Variants in JMJD1C observed in about 807,000 individuals in gnomAD.
The protein encoded by JMJD1C is jumonji domain-containing protein 1C.
In JMJD1C, 31 loss-of-function variants were observed where a neutral mutation model predicts 245.3. That is an observed-to-expected ratio of 0.13 (90% CI 0.09 to 0.17). JMJD1C has a LOEUF of 0.17. Ranked by LOEUF, JMJD1C falls within the 10% of genes least tolerant of loss-of-function variation. The pLI is 1.00. For synonymous variants in JMJD1C, 1,057 were observed against 1,017.4 expected (o/e 1.04, Z -0.74); for missense variants, 2,691 against 3,000.2 (o/e 0.90, Z 2.41).
chr10:63,338,508 G>C (rs1473725399), intron 2 of JMJD1C, among the ~76,000 whole-genome samples: 3 of 151,936 alleles, frequency 2.0e-5, no homozygotes, highest in Non-Finnish European at 2.9e-5. Flanking sequence ...TAAAATTTAA[G>C]TAGGCACCGC....
rs746895316 is a variant in JMJD1C, at chr10:63,184,643, C to T, written c.6926G>A (p.Arg2309His). 7.4e-6 allele frequency: 12 copies of T among 1,613,628 alleles called. No individual in the cohort carries two copies. Among genetic ancestry groups the T allele is most frequent in the Admixed American group, 3.3e-5 (2 of 59,938 alleles). ...GCACAACCTGGGTCCTAGATCAGGA[C>T]GTACAAAAAATCCTGGCAAATGAGA... ...LASHLPGFFVRPDLGPRLCSA... is the reference protein window; with the variant it reads ...LASHLPGFFVHPDLGPRLCSA... Residue 2309 changes from arginine (R) to histidine (H), a missense_variant, in exon 21 of 26, where the codon CGT (arginine) becomes CAT (histidine). Arg to His is a conservative substitution (Grantham distance 29). Around this residue, in one of 9 missense-constraint regions of JMJD1C, gnomAD observed 232 missense variants for 416.1 expected, o/e 0.56. Transcript: ENST00000399262.
intron 2 of JMJD1C, among the ~76,000 whole-genome samples, chr10:63,338,527 A>T (rs944743539): frequency 6.6e-6 from 1 of 152,032 alleles, no homozygotes; most frequent in Non-Finnish European, 1.5e-5. Context: ...GCTAAGATAG[A>T]CCTAGATATA....
chr10:63,221,161 A>G (rs1394347801), intron 3 of JMJD1C, among the ~76,000 whole-genome samples: 1 of 152,034 alleles, frequency 6.6e-6, no homozygotes, highest in African/African-American at 2.4e-5. Flanking sequence ...AATAGAAAAG[A>G]GCTAAACTAA....
chr10:63,310,078 A>G (rs1938953866), intron 2 of JMJD1C, among the ~76,000 whole-genome samples: 1 of 152,226 alleles, frequency 6.6e-6, no homozygotes, highest in South Asian at 2.1e-4. Context: ...CCACTATCAG[A>G]TCACAGGAAT....
At chr10:63,480,129 T>C (rs756573165) in intron 1 of JMJD1C, among the ~76,000 whole-genome samples, 57 of 152,170 alleles carry the variant, frequency 3.7e-4, no homozygotes, top group South Asian at 2.1e-4. Flanking sequence ...TTAGTTGTAG[T>C]CCAGAGTTTG....
At chr10:63,319,254 C>CT (rs1283391974) in intron 2 of JMJD1C, among the ~76,000 whole-genome samples, 48 of 67,402 alleles carry the variant, frequency 7.1e-4, no homozygotes, top group Middle Eastern at 0.012. Flanking sequence ...GAGACTCCAT[C>CT]TAAAAAAAAA....
rs201696710 is a variant in JMJD1C, at chr10:63,213,588, T to C, written c.2579A>G (p.Tyr860Cys). The change falls in exon 8 of 26, where the codon TAT becomes TGT. Residue 860 changes from tyrosine to cysteine, a missense_variant. Transcript: ENST00000399262. Reference protein sequence around the residue: ...PSASYNQLGLYPIIWQYPNGT... With the variant: ...PSASYNQLGLCPIIWQYPNGT... Reference sequence around the variant, plus strand: ...ATTTGGATACTGCCAAATAATTGGATAAAGTCCAAGCTGATTATATGAAGC... The same window carrying C: ...ATTTGGATACTGCCAAATAATTGGACAAAGTCCAAGCTGATTATATGAAGC... 4.1e-4 allele frequency: 664 copies of C among 1,614,014 alleles called. 2 individuals carry two copies. The highest frequency in any genetic ancestry group is 5.1e-4 in the Non-Finnish European group (605 of 1,179,982).
Position 63,207,914 on chromosome 10 carries a change from G to C in JMJD1C, c.3755C>G (p.Thr1252Ser). The stretch of plus-strand genomic sequence containing the variant: ...GGAGTCTTTTGGTTCGGGTATTAGA[G>C]TTGGAGGCTTCTGTGATTCTTGAAC... ...GKVQESQKPP[T>S]LIPEPKDSQA... The change falls in exon 10 of 26, where the codon ACT becomes AGT. Residue 1252 changes from threonine (T) to serine (S), a missense_variant. By Grantham distance (58) the Thr-to-Ser change is moderately conservative (BLOSUM62 1). Transcript: ENST00000399262. The C allele has an allele frequency of 6.2e-7, 1 of 1,614,126 alleles. No individual in the cohort carries two copies. The highest frequency in any genetic ancestry group is 8.5e-7 in the Non-Finnish European group (1 of 1,180,004).
At position 63,449,281 on chromosome 10, in the gene JMJD1C, GA is replaced by G. The variant is rs200725479; in HGVS notation, c.168+16213del. On this transcript the variant is annotated intron_variant, in intron 1 of 25. Transcript: ENST00000399262. ...ATGAACTGGTACACAATCTAAAAGT[GA>G]AATTCTGTAAAATAAATATTATATT... is the stretch of plus-strand genomic sequence containing the variant. Among the ~76,000 whole-genome samples, 323 of 152,140 alleles carry G rather than the reference GA, an allele frequency of 2.1e-3. 3 individuals are homozygous for G. In the South Asian group the frequency reaches 0.029, roughly 14 times the overall value.
At chr10:63,420,060 C>T (rs1340130400) in intron 1 of JMJD1C, among the ~76,000 whole-genome samples, 8 of 151,344 alleles carry the variant, frequency 5.3e-5, no homozygotes, top group Admixed American at 2.6e-4. Flanking sequence ...TGCTTGAACC[C>T]GGGAGGCAGA....
intron 1 of JMJD1C, chr10:63,489,388 GA>G (rs1282695840): frequency 6.6e-6 from 1 of 152,428 alleles, no homozygotes; most frequent in Non-Finnish European, 1.5e-5. Context: ...CAAAATGAGT[GA>G]AACTCTGTCT....
intron 1 of JMJD1C, chr10:63,427,455 G>A (rs1950509258): frequency 5.2e-6 from 6 of 1,163,092 alleles, no homozygotes; most frequent in Non-Finnish European, 6.3e-6. Flanking sequence ...TGCTGTCCCA[G>A]CAACTCCTGA....
chr10:63,441,468 C>T (rs777686101), intron 1 of JMJD1C, among the ~76,000 whole-genome samples: 4 of 152,116 alleles, frequency 2.6e-5, no homozygotes, highest in Non-Finnish European at 4.4e-5. Context: ...TAAGCTAATA[C>T]ATATAAAGTG....
intron 1 of JMJD1C, among the ~76,000 whole-genome samples, chr10:63,494,633 A>C (rs1050169744): frequency 6.6e-6 from 1 of 152,240 alleles, no homozygotes; most frequent in Admixed American, 6.5e-5. Flanking sequence ...ATACTCTTTA[A>C]GCAATTTCCC....
intron 2 of JMJD1C, among the ~76,000 whole-genome samples, chr10:63,374,679 T>C (rs888958110): frequency 5.3e-5 from 8 of 152,170 alleles, no homozygotes; most frequent in African/African-American, 1.9e-4. Context: ...TCCCTAGAAC[T>C]GGAAACTACA....
chr10:63,362,389 C>T (rs1053684629), intron 2 of JMJD1C, among the ~76,000 whole-genome samples: 1 of 151,988 alleles, frequency 6.6e-6, no homozygotes, highest in Non-Finnish European at 1.5e-5. Flanking sequence ...ACTTTAAGTG[C>T]ACAATTCTTG....
chr10:63,324,605 A>G (rs539356935), intron 2 of JMJD1C, among the ~76,000 whole-genome samples: 5 of 152,374 alleles, frequency 3.3e-5, no homozygotes, highest in African/African-American at 1.2e-4. Flanking sequence ...TAAGAACTTG[A>G]TATGTGACAA....
At chr10:63,340,702 T>C (rs953127822) in intron 2 of JMJD1C, among the ~76,000 whole-genome samples, 2 of 152,142 alleles carry the variant, frequency 1.3e-5, no homozygotes, top group Non-Finnish European at 2.9e-5. Context: ...CCCAGCACTT[T>C]GGGAGGCCAA....
chr10:63,363,203 G>C (rs1030151732), intron 2 of JMJD1C, among the ~76,000 whole-genome samples: 1 of 150,476 alleles, frequency 6.6e-6, no homozygotes, highest in Non-Finnish European at 1.5e-5. Flanking sequence ...CTTGCCAACT[G>C]TGAGAAGTAT....
Sources: allele counts gnomAD v4.1 joint callset (sites outside exome capture counted in the v4.1 genomes callset), GRCh38; gene constraint gnomAD v4.1.1; regional missense constraint gnomAD v4.1.1; transcripts MANE v1.5; gene names NCBI Gene and HGNC (gene_info 2026-07-23, HGNC 2026-07-21).